Variants in SEC11A observed in about 807,000 individuals in gnomAD.
The protein encoded by SEC11A is SEC11 homolog A, signal peptidase complex subunit.
In SEC11A, 14 loss-of-function variants were observed where a neutral mutation model predicts 25.6. The observed-to-expected ratio is 0.55, with a 90% CI of 0.36 to 0.85. The LOEUF is 0.85. Ranked by LOEUF, SEC11A falls within the 40% of genes least tolerant of loss-of-function variation. The pLI, the probability that SEC11A is intolerant of heterozygous loss-of-function variation, is 0.01. For synonymous variants in SEC11A, 83 were observed against 76.4 expected, an observed-to-expected ratio of 1.09 and a Z score of -0.45; for missense variants, 153 against 222.9, an observed-to-expected ratio of 0.69 and a Z score of 2.00.
chr15:84,700,267 C>T (rs1315063442), intron 1 of SEC11A, among the ~76,000 whole-genome samples: 1 of 151,564 alleles, frequency 6.6e-6, no homozygotes, highest in East Asian at 1.9e-4. Flanking sequence ...TAAACAGAAA[C>T]AGACCCAGAA....
Position 84,687,729 on chromosome 15 carries a change from T to A in SEC11A, c.207A>T (p.Leu69=), listed in dbSNP as rs770333311. ...GTATGGGATCTTCAACTCGATTTGT[T>A]AGAAAGAGAAGATCTCCTCTATGAA... is the stretch of plus-strand genomic sequence containing the variant. ...PAFHRGDLLF[L]TNRVEDPIRV... is the part of the protein sequence containing the mutation. The change falls in exon 3 of 6, where the codon CTA becomes CTT. Residue 69 remains leucine (L), a synonymous_variant. Transcript: ENST00000268220. 6 of 1,604,156 alleles carry A rather than the reference T, an allele frequency of 3.7e-6. No homozygotes were observed. Among genetic ancestry groups the A allele is most frequent in the Non-Finnish European group, 5.1e-6 (6 of 1,177,614 alleles).
At chr15:84,712,117 C>T (rs898085858) in intron 1 of SEC11A, among the ~76,000 whole-genome samples, 1 of 151,926 alleles carries the variant, frequency 6.6e-6, no homozygotes, top group African/African-American at 2.4e-5. Context: ...GGCACACATC[C>T]ATAGTCCCAA....
rs1567041812 is a variant in SEC11A at position 84,699,797 on chromosome 15, A to AGGG, written c.52-8154_52-8153insCCC. On this transcript the variant is annotated intron_variant, in intron 1 of 5. Transcript: ENST00000268220. ...AAAAAAACAAAGACACACACACACA[A>AGGG]AAAAAAGAACTGGGAGTTCAGGGAG... Among the ~76,000 whole-genome samples, 4 of 151,894 alleles carry AGGG rather than the reference A, an allele frequency of 2.6e-5. 1 individual carries two copies. The highest frequency in any genetic ancestry group is 9.7e-5 in the African/African-American group (4 of 41,186).
chr15:84,674,073 G>C (rs1024121261), intron 4 of SEC11A, among the ~76,000 whole-genome samples: 1 of 151,990 alleles, frequency 6.6e-6, no homozygotes, highest in African/African-American at 2.4e-5. Context: ...ATATAGGTGT[G>C]TGATGGCAAA....
At chr15:84,683,132 A>G (rs1159240121) in intron 3 of SEC11A, among the ~76,000 whole-genome samples, 1 of 152,222 alleles carries the variant, frequency 6.6e-6, no homozygotes, top group Non-Finnish European at 1.5e-5. Flanking sequence ...CTGACAATTC[A>G]GTAAGTGAAA....
intron 1 of SEC11A, among the ~76,000 whole-genome samples, chr15:84,701,767 A>G (rs968183932): frequency 1.3e-5 from 2 of 152,198 alleles, no homozygotes; most frequent in African/African-American, 4.8e-5. Context: ...GGTTGCATTA[A>G]TATCATACAA....
Position 84,715,444 on chromosome 15 carries a change from C to T in SEC11A, c.51+581G>A, listed in dbSNP as rs1232802640. On this transcript the variant is annotated intron_variant, in intron 1 of 5. Transcript: ENST00000268220. ...ACTGTAAAACCATAGATTCCGAGGG[C>T]TGCCGCCTTAGTGCTAAGCGGACGC... Among the ~76,000 whole-genome samples the T allele has an allele frequency of 2.0e-5, 3 of 152,326 alleles. No individual in the cohort carries two copies. The East Asian group carries it at 5.8e-4, about 29-fold the overall frequency.
chr15:84,699,645 C>T (rs1422772810), intron 1 of SEC11A, among the ~76,000 whole-genome samples: 3 of 152,040 alleles, frequency 2.0e-5, no homozygotes, highest in Non-Finnish European at 2.9e-5. Context: ...GGGAGTTCAG[C>T]CAGGCACGGT....
Position 84,707,480 on chromosome 15 carries a change from G to A in SEC11A, c.51+8545C>T, listed in dbSNP as rs181132633. Among the ~76,000 whole-genome samples the A allele has an allele frequency of 1.1e-4, 17 of 152,166 alleles. No homozygotes were observed. In the East Asian group the frequency reaches 1.5e-3, roughly 14 times the overall value. On this transcript the variant is annotated intron_variant, in intron 1 of 5. Transcript: ENST00000268220. ...ATTATAGGCGTGAACCACCGTGCCC[G>A]GCTGAGGTTTTATTACTATAATAAA...
intron 1 of SEC11A, among the ~76,000 whole-genome samples, chr15:84,706,976 T>C (rs1462965020): frequency 6.6e-6 from 1 of 152,078 alleles, no homozygotes; most frequent in Non-Finnish European, 1.5e-5. Context: ...AGACAGTCAG[T>C]GGCCTCCCGC....
At chr15:84,684,152 C>G (rs567962088) in intron 3 of SEC11A, among the ~76,000 whole-genome samples, 2 of 152,320 alleles carry the variant, frequency 1.3e-5, no homozygotes, top group Admixed American at 6.5e-5. Flanking sequence ...TTTCCAAATA[C>G]TTAATCACAT....
intron 2 of SEC11A, among the ~76,000 whole-genome samples, chr15:84,688,759 G>A (rs529775610): frequency 2.6e-5 from 4 of 152,286 alleles, no homozygotes; most frequent in South Asian, 2.1e-4. Flanking sequence ...AGCCAGGTGC[G>A]GTGGCTCACA....
At chr15:84,701,682 GA>G (rs1207775020) in intron 1 of SEC11A, among the ~76,000 whole-genome samples, 2 of 151,450 alleles carry the variant, frequency 1.3e-5, no homozygotes, top group African/African-American at 4.9e-5. Flanking sequence ...TATTGTGAAA[GA>G]AAAAAAGAGA....
intron 4 of SEC11A, chr15:84,679,362 C>T: frequency 2.0e-6 from 1 of 508,970 alleles, no homozygotes; most frequent in Non-Finnish European, 3.5e-6. Context: ...ATTAAAACAA[C>T]AATAACAACC....
At chr15:84,711,196 A>C (rs1032933315) in intron 1 of SEC11A, among the ~76,000 whole-genome samples, 3 of 152,064 alleles carry the variant, frequency 2.0e-5, no homozygotes, top group Non-Finnish European at 2.9e-5. Context: ...AGCCTGGGCA[A>C]CCTGGTGAAA....
chr15:84,675,828 T>C (rs547124705), intron 4 of SEC11A, among the ~76,000 whole-genome samples: 3 of 152,370 alleles, frequency 2.0e-5, no homozygotes, highest in East Asian at 1.9e-4. Context: ...TTTTCTAAAA[T>C]TGTTTTTATT....
chr15:84,689,627 G>A (rs1367839223), intron 2 of SEC11A, among the ~76,000 whole-genome samples: 1 of 65,210 alleles, frequency 1.5e-5, no homozygotes. Flanking sequence ...TTTTTTTTTT[G>A]AGACAAAATT....
rs1596064216 is a variant in SEC11A at position 84,669,826 on chromosome 15, C to T, written c.*193G>A. ...GAAATCCTGTGACTGAAAGTCCCCT[C>T]GAGTGCACTCTGTGGTGCACATGCG... On this transcript the variant is annotated 3_prime_UTR_variant, in exon 6 of 6. Transcript: ENST00000268220. The T allele has an allele frequency of 3.7e-6, 3 of 801,472 alleles. No individual in the cohort carries two copies. Among genetic ancestry groups the T allele is most frequent in the African/African-American group, 1.8e-5 (1 of 56,538 alleles). 49.6% of individuals were successfully genotyped at this position (801,472 alleles called of 1,614,324 possible).
rs139114883 is a variant in SEC11A at position 84,678,929 on chromosome 15, G to A, written c.431+1784C>T. Among the ~76,000 whole-genome samples, 412 of 152,056 alleles carry A rather than the reference G, an allele frequency of 2.7e-3. 1 individual carries two copies. The highest frequency in any genetic ancestry group is 4.8e-3 in the Non-Finnish European group (323 of 67,994). ...GAATCTTTTAAGCCCAGGAGGCAGAGGTTGCAGTGAGCTGAGATCATGCCA... is the reference window on the plus strand; with the variant it reads ...GAATCTTTTAAGCCCAGGAGGCAGAAGTTGCAGTGAGCTGAGATCATGCCA... On this transcript the variant is annotated intron_variant, in intron 4 of 5. Transcript: ENST00000268220.
Sources: allele counts gnomAD v4.1 joint callset (sites outside exome capture counted in the v4.1 genomes callset), GRCh38; gene constraint gnomAD v4.1.1; transcripts MANE v1.5; gene names NCBI Gene and HGNC (gene_info 2026-07-23, HGNC 2026-07-21).